ANKRD36: variants seen among roughly 807,000 people sequenced by gnomAD.
ANKRD36 encodes ankyrin repeat domain-containing protein 36A.
A neutral mutation model predicts 278.1 loss-of-function variants in ANKRD36; 179 were observed. The ratio of observed to expected loss-of-function variants is 0.64; its 90% confidence interval spans 0.57 to 0.73. ANKRD36 has a LOEUF of 0.73. Ranked by LOEUF, ANKRD36 falls within the 30% of genes least tolerant of loss-of-function variation. The pLI, the probability that ANKRD36 is intolerant of heterozygous loss-of-function variation, is 0.00. For synonymous variants in ANKRD36, 320 were observed against 641.1 expected, an observed-to-expected ratio of 0.50 and a Z score of 7.57; for missense variants, 1,159 against 1,956.7, an observed-to-expected ratio of 0.59 and a Z score of 7.69.
At chr2:97,191,606 C>G (rs549552474) in intron 36 of ANKRD36, among the ~76,000 whole-genome samples, 1 of 151,632 alleles carries the variant, frequency 6.6e-6, no homozygotes, top group Admixed American at 6.6e-5. Flanking sequence ...TACGGAGACC[C>G]CTCCTGTAGC....
rs766941061 is a variant in ANKRD36, at chr2:97,202,413, T to C, written c.2959+20T>C. The C allele has an allele frequency of 3.7e-5, 57 of 1,544,922 alleles. No individual in the cohort carries two copies. Among genetic ancestry groups the C allele is most frequent in the Non-Finnish European group, 7.8e-6 (9 of 1,146,642 alleles). ...GGACAGGTAATTTTGAAAACAGATT[T>C]AATGTCATGTTCAGTCCAGGTAGAT... is the stretch of plus-strand genomic sequence containing the variant. On this transcript the variant is annotated intron_variant, in intron 48 of 75. Transcript: ENST00000420699.
intron 6 of ANKRD36, among the ~76,000 whole-genome samples, chr2:97,129,691 G>A (rs1175848185): frequency 6.6e-6 from 1 of 151,964 alleles, no homozygotes; most frequent in Non-Finnish European, 1.5e-5. Flanking sequence ...TCTACATATG[G>A]CTAGCCAGTT....
rs375432418 is a variant in ANKRD36 at position 97,195,300 on chromosome 2, A to T, written c.2551+383A>T. Among the ~76,000 whole-genome samples, 33 of 152,044 alleles carry T rather than the reference A, an allele frequency of 2.2e-4. No homozygotes were observed. The East Asian group carries it at 5.7e-3, about 26-fold the overall frequency. On this transcript the variant is annotated intron_variant, in intron 40 of 75. Coordinates refer to ENST00000420699, the MANE Select transcript of ANKRD36 (RefSeq NM_001354587.1). Reference sequence around the variant, plus strand: ...TAAAAACAGACAGAAAACTGTTCATAATAACCCATAGACACTGTAGAAGGA... The same window carrying T: ...TAAAAACAGACAGAAAACTGTTCATTATAACCCATAGACACTGTAGAAGGA...
intron 50 of ANKRD36, among the ~76,000 whole-genome samples, chr2:97,204,614 C>A (rs1386030497): frequency 6.6e-6 from 1 of 151,388 alleles, no homozygotes. Flanking sequence ...CACACTTCAG[C>A]TCGCACTGCC....
At chr2:97,192,753 C>G in intron 36 of ANKRD36, 105 bp from the exon 37 acceptor site, 1 of 1,432,026 alleles carries the variant, frequency 7.0e-7, no homozygotes, top group Non-Finnish European at 9.7e-7. Flanking sequence ...AAAGCCTACG[C>G]TAATACAGGC....
At chr2:97,196,919 C>T (rs4577322) in intron 42 of ANKRD36, 131 bp downstream of exon 42, 1,025,340 of 1,400,584 alleles carry the variant, frequency 0.73, 383,994 homozygotes, top group Non-Finnish European at 0.8. Context: ...TCTTCATTTG[C>T]AGTAGGTTCT....
intron 17 of ANKRD36, among the ~76,000 whole-genome samples, chr2:97,160,118 T>C (rs2153486070): frequency 6.6e-6 from 1 of 152,356 alleles, no homozygotes; most frequent in Non-Finnish European, 1.5e-5. Flanking sequence ...TTCTAATTTA[T>C]ATTCATTGAA....
intron 64 of ANKRD36, among the ~76,000 whole-genome samples, chr2:97,218,660 C>G (rs1294993473): frequency 6.6e-6 from 1 of 152,068 alleles, no homozygotes; most frequent in Admixed American, 6.6e-5. Context: ...TGGTATAAAG[C>G]CTTCTGATGT....
chr2:97,181,565 T>C (rs758315040), intron 24 of ANKRD36, 33 bp from the exon 25 acceptor site: 1 of 1,602,838 alleles, frequency 6.2e-7, no homozygotes, highest in East Asian at 2.2e-5. Context: ...CATATGTACA[T>C]GTGAGTGATT....
At chr2:97,117,775 A>G (rs531078888) in intron 1 of ANKRD36, among the ~76,000 whole-genome samples, 13 of 151,970 alleles carry the variant, frequency 8.6e-5, no homozygotes, top group Non-Finnish European at 1.6e-4. Flanking sequence ...TGGGCTAGCT[A>G]CTATTCTCTT....
chr2:97,224,449 T>TG (rs1383783806), intron 66 of ANKRD36, among the ~76,000 whole-genome samples: 4 of 141,880 alleles, frequency 2.8e-5, no homozygotes, highest in South Asian at 3.3e-4. Flanking sequence ...TTTTTGTTTT[T>TG]TTGTTTTTTT....
intron 22 of ANKRD36, among the ~76,000 whole-genome samples, chr2:97,175,912 A>T (rs2054101814): frequency 6.6e-6 from 1 of 151,748 alleles, no homozygotes; most frequent in African/African-American, 2.4e-5. Context: ...CAGGTTGTTC[A>T]GTTTCCATGT....
At chr2:97,191,469 T>C (rs183880819) in intron 36 of ANKRD36, among the ~76,000 whole-genome samples, 29 of 151,780 alleles carry the variant, frequency 1.9e-4, no homozygotes, top group African/African-American at 7.0e-4. Flanking sequence ...GCTTTAACTC[T>C]ACAGCGTTTT....
chr2:97,216,186 A>G (rs1214935005), intron 62 of ANKRD36, among the ~76,000 whole-genome samples: 1 of 152,030 alleles, frequency 6.6e-6, no homozygotes, highest in African/African-American at 2.4e-5. Flanking sequence ...TCAGAGATAC[A>G]TGTTTTGTTG....
At chr2:97,121,653 T>C (rs985244360) in intron 3 of ANKRD36, among the ~76,000 whole-genome samples, 1 of 151,960 alleles carries the variant, frequency 6.6e-6, no homozygotes, top group Non-Finnish European at 1.5e-5. Flanking sequence ...CCCAAATAAA[T>C]AAATAAATAA....
At chr2:97,200,257 T>C (rs1205171599) in intron 44 of ANKRD36, 77 bp from the exon 45 acceptor site, 3 of 1,602,304 alleles carry the variant, frequency 1.9e-6, no homozygotes, top group Admixed American at 3.4e-5. Flanking sequence ...CAGAGGTTGA[T>C]GCTAACACTG....
chr2:97,217,201 A>G lies in ANKRD36; in HGVS notation c.3698A>G (p.Gln1233Arg), dbSNP rs1220381063. The change falls in exon 63 of 76, where the codon CAG becomes CGG. Residue 1233 changes from glutamine (Q) to arginine (R), a missense_variant. Physicochemically the swap from Gln to Arg is conservative, Grantham distance 43 (BLOSUM62 1). Coordinates refer to ENST00000420699, the MANE Select transcript of ANKRD36 (RefSeq NM_001354587.1). The stretch of plus-strand genomic sequence containing the variant: ...GTGTCTCCTCAGAAACAATCGGCCC[A>G]GAAGGTAGTTACTCTTTCATTTATA... ...GTVSPQKQSA[Q>R]KVIFKKKVSL... The G allele has an allele frequency of 5.8e-6, 9 of 1,553,346 alleles. No individual in the cohort carries two copies. The highest frequency in any genetic ancestry group is 1.9e-5 in the Admixed American group (1 of 51,352).
intron 4 of ANKRD36, among the ~76,000 whole-genome samples, chr2:97,123,957 T>TTATTTA (rs1553540706): frequency 7.1e-6 from 1 of 141,806 alleles, no homozygotes; most frequent in Non-Finnish European, 1.5e-5. Context: ...TCCTCCATAT[T>TTATTTA]TATATATATA....
Position 97,202,687 on chromosome 2 carries a change from T to G in ANKRD36, c.2959+294T>G, listed in dbSNP as rs181453449. On this transcript the variant is annotated intron_variant, in intron 48 of 75. Transcript: ENST00000420699. ...ATAGTTTTGCTTTAATCCTCCAGCT[T>G]GTTTTCAGTAAGGGTGGAAGGAGAA... Among the ~76,000 whole-genome samples the G allele has an allele frequency of 6.6e-5, 10 of 151,926 alleles. No individual in the cohort carries two copies. In the East Asian group the frequency reaches 1.9e-3, roughly 30 times the overall value.
Sources: gnomAD v4.1 joint callset for allele counts (sites outside exome capture counted in the v4.1 genomes callset) on GRCh38, gnomAD v4.1.1 for gene constraint, MANE v1.5 for transcripts, NCBI Gene and HGNC (gene_info 2026-07-23, HGNC 2026-07-21) for gene names.